FAM81A: variants seen among roughly 807,000 people sequenced by gnomAD.
The protein encoded by FAM81A is protein FAM81A.
In FAM81A, 19 loss-of-function variants were observed where a neutral mutation model predicts 46.7. That is an observed-to-expected ratio of 0.41 (90% CI 0.28 to 0.60). The LOEUF (loss-of-function observed/expected upper bound fraction) is 0.60. Ranked by LOEUF, FAM81A falls within the 20% of genes least tolerant of loss-of-function variation. The pLI is 0.34. For synonymous variants in FAM81A, 183 were observed against 152.9 expected, an observed-to-expected ratio of 1.20 and a Z score of -1.45; for missense variants, 377 against 453.5, an observed-to-expected ratio of 0.83 and a Z score of 1.53.
chr15:59,508,830 A>T, intron 5 of FAM81A, 33 bp from the exon 6 acceptor site: 1 of 1,548,144 alleles, frequency 6.5e-7, no homozygotes. Context: ...AAGACGTTAG[A>T]TGTGATATTT....
Position 59,514,297 on chromosome 15 carries a change from G to A in FAM81A, c.659G>A (p.Gly220Asp), listed in dbSNP as rs111778770. ...QLQLLDTKFK[G>D]TVEELSNQIL... is the part of the protein sequence containing the mutation. ...CAATTTTTTTTTTTTAGATTTAAAGGTACAGTTGAGGAACTCAGTAACCAG... is the reference window on the plus strand; with the variant it reads ...CAATTTTTTTTTTTTAGATTTAAAGATACAGTTGAGGAACTCAGTAACCAG... Residue 220 changes from glycine to aspartate, a missense_variant, in exon 7 of 9, where the codon GGT (glycine) becomes GAT (aspartate). Physicochemically the swap from Gly to Asp is moderately conservative, Grantham distance 94 (BLOSUM62 -1). Coordinates refer to ENST00000288228, the MANE Select transcript of FAM81A (RefSeq NM_152450.3). 3.1e-6 allele frequency: 5 copies of A among 1,588,878 alleles called. No homozygotes were observed. Among genetic ancestry groups the A allele is most frequent in the Admixed American group, 1.9e-5 (1 of 52,598 alleles).
chr15:59,417,844 C>T (rs1158387745), intron 2 of FAM81A, among the ~76,000 whole-genome samples: 1 of 151,950 alleles, frequency 6.6e-6, no homozygotes, highest in Non-Finnish European at 1.5e-5. Context: ...CATATGTATA[C>T]ATGTGCCCTG....
rs769046465 is a variant in FAM81A, at chr15:59,514,366, T to C, written c.728T>C (p.Ile243Thr). The C allele has an allele frequency of 5.6e-6, 9 of 1,613,752 alleles. No individual in the cohort carries two copies. Among genetic ancestry groups the C allele is most frequent in the Non-Finnish European group, 7.6e-6 (9 of 1,179,788 alleles). The change falls in exon 7 of 9, where the codon ATA becomes ACA. Residue 243 changes from isoleucine to threonine, a missense_variant. Coordinates refer to ENST00000288228, the MANE Select transcript of FAM81A (RefSeq NM_152450.3). ...RSWLQQEQER[I>T]EKELLQKIDQ... ...TGGTTGCAACAGGAACAAGAACGGA[T>C]AGAAAAAGAGCTTTTACAGAAAATT...
intron 4 of FAM81A, among the ~76,000 whole-genome samples, chr15:59,493,183 G>C (rs560229368): frequency 3.3e-5 from 5 of 152,344 alleles, no homozygotes; most frequent in South Asian, 4.1e-4. Context: ...TCGGGTGGAA[G>C]AAAGAACAAG....
intron 1 of FAM81A, among the ~76,000 whole-genome samples, chr15:59,450,920 C>A (rs2081411111): frequency 6.6e-6 from 1 of 152,204 alleles, no homozygotes. Flanking sequence ...GTTGGCTGGT[C>A]TCTGGATGCT....
rs2082329998 is a variant in FAM81A at position 59,521,693 on chromosome 15, T to C, written c.*315T>C. The C allele has an allele frequency of 9.5e-6, 2 of 209,768 alleles. No homozygotes were observed. Among genetic ancestry groups the C allele is most frequent in the Non-Finnish European group, 1.9e-5 (2 of 105,722 alleles). The allele number at this position is 209,768 out of a possible 1,614,324, so 13.0% of individuals were successfully genotyped here. A position where few individuals can be genotyped will look rare whatever the true frequency, so the allele number is the denominator to read the frequency against. ...ACGACAATTTTTCTTCAATGCTTGA[T>C]GCACTAATGAAGACTGTTTACTATT... On this transcript the variant is annotated 3_prime_UTR_variant, in exon 9 of 9. Coordinates refer to ENST00000288228, the MANE Select transcript of FAM81A (RefSeq NM_152450.3).
chr15:59,436,669 G>C (rs144645414), upstream of FAM81A, among the ~76,000 whole-genome samples: 707 of 152,284 alleles, frequency 4.6e-3, 2 homozygotes, highest in African/African-American at 0.016. Context: ...GAAGCAGAGT[G>C]ACAGTGTCAT....
chr15:59,423,917 A>G (rs1412385107), intron 2 of FAM81A, among the ~76,000 whole-genome samples: 1 of 152,214 alleles, frequency 6.6e-6, no homozygotes, highest in Non-Finnish European at 1.5e-5. Flanking sequence ...TTTTTTAAAG[A>G]ACGAAACAAC....
intron 4 of FAM81A, among the ~76,000 whole-genome samples, chr15:59,502,485 C>CTGTG (rs71119478): frequency 0.18 from 24,494 of 137,970 alleles, 2,141 homozygotes; most frequent in East Asian, 0.29. Context: ...GTTGACTTCA[C>CTGTG]TGTGTGTGTG....
At position 59,507,155 on chromosome 15, in the gene FAM81A, C is replaced by G. The variant is rs4453410; in HGVS notation, c.414-58C>G. The G allele has an allele frequency of 5.0e-3, 7,793 of 1,556,800 alleles. 113 individuals are homozygous for G. In the Admixed American group the frequency reaches 0.054, roughly 11 times the overall value. On this transcript the variant is annotated intron_variant, in intron 4 of 8. Coordinates refer to ENST00000288228, the MANE Select transcript of FAM81A (RefSeq NM_152450.3). ...TTGCATTTCAGAGTGTATAAGGAAG[C>G]TTTTGCGCATTGTTTTTAAACTTTA...
chr15:59,419,806 G>A (rs2081163050), intron 2 of FAM81A, among the ~76,000 whole-genome samples: 1 of 148,578 alleles, frequency 6.7e-6, no homozygotes, highest in Non-Finnish European at 1.5e-5. Flanking sequence ...AATCACTCCT[G>A]GAGCTGGATT....
At chr15:59,429,270 G>A (rs1333335480) in intron 2 of FAM81A, among the ~76,000 whole-genome samples, 3 of 152,190 alleles carry the variant, frequency 2.0e-5, no homozygotes, top group Admixed American at 6.5e-5. Context: ...CAGTTGTCTT[G>A]GTATGAATCT....
chr15:59,445,545 A>C (rs2081345557), intron 1 of FAM81A: 1 of 152,186 alleles, frequency 6.6e-6, no homozygotes, highest in Non-Finnish European at 1.5e-5. Context: ...CTCCACGTAA[A>C]AGAGTAAAAG....
chr15:59,493,324 T>C (rs1478979608), intron 4 of FAM81A, among the ~76,000 whole-genome samples: 4 of 152,162 alleles, frequency 2.6e-5, no homozygotes, highest in African/African-American at 9.7e-5. Context: ...CTGTCTATAA[T>C]AGCAGAGGGC....
chr15:59,448,541 G>GGTAGA, intron 1 of FAM81A, among the ~76,000 whole-genome samples: 1 of 151,922 alleles, frequency 6.6e-6, no homozygotes, highest in African/African-American at 2.4e-5. Context: ...AGATAGATAG[G>GGTAGA]TAGATAGATA....
chr15:59,507,255 G>T lies in FAM81A; in HGVS notation c.456G>T (p.Thr152=). The T allele has an allele frequency of 1.2e-6, 2 of 1,611,682 alleles. No homozygotes were observed. Among genetic ancestry groups the T allele is most frequent in the Non-Finnish European group, 1.7e-6 (2 of 1,178,938 alleles). Reference sequence around the variant, plus strand: ...CTAGACTTTCTGCAGAGCACAAAACGACCTATGAGGGGCTCCAGCACTTGA... The same window carrying T: ...CTAGACTTTCTGCAGAGCACAAAACTACCTATGAGGGGCTCCAGCACTTGA... ...SIARLSAEHK[T]TYEGLQHLNK... is the part of the protein sequence containing the mutation. The change falls in exon 5 of 9, where the codon ACG becomes ACT. Residue 152 remains threonine, a synonymous_variant. Transcript: ENST00000288228.
chr15:59,449,596 A>G (rs1335722026), intron 1 of FAM81A, among the ~76,000 whole-genome samples: 1 of 152,036 alleles, frequency 6.6e-6, no homozygotes, highest in Non-Finnish European at 1.5e-5. Context: ...CCTGGCTAAC[A>G]CAGTGAAACC....
chr15:59,430,492 C>G (rs2081215319), intron 2 of FAM81A, among the ~76,000 whole-genome samples: 1 of 152,060 alleles, frequency 6.6e-6, no homozygotes, highest in Non-Finnish European at 1.5e-5. Context: ...TCTTGAGCTC[C>G]TGACCTCAGG....
chr15:59,398,539 A>G (rs868484234), intron 1 of FAM81A, among the ~76,000 whole-genome samples: 1 of 152,038 alleles, frequency 6.6e-6, no homozygotes, highest in Non-Finnish European at 1.5e-5. Context: ...CAGGTGGATC[A>G]CTTGAGGCTA....
Sources: allele counts gnomAD v4.1 joint callset (sites outside exome capture counted in the v4.1 genomes callset), GRCh38; gene constraint gnomAD v4.1.1; transcripts MANE v1.5; gene names NCBI Gene and HGNC (gene_info 2026-07-23, HGNC 2026-07-21).